Variants in NRAP observed in about 807,000 individuals in gnomAD.
NRAP encodes the protein nebulin-related-anchoring protein.
NRAP carries 189 observed loss-of-function variants against 225.9 expected under a neutral mutation model. That is an observed-to-expected ratio of 0.84 (90% CI 0.74 to 0.94). The LOEUF (loss-of-function observed/expected upper bound fraction) is 0.94, where lower values mean the gene tolerates loss of function less well. NRAP is among the 40% of genes least tolerant of loss of function. The probability of loss-of-function intolerance (pLI) is 0.00; values close to 1 mark genes in which losing one functional copy is unlikely to be tolerated. For missense variants in NRAP, 2,176 were observed against 2,168.7 expected, an observed-to-expected ratio of 1.00 and a Z score of -0.07; for synonymous variants, 769 against 790.7, an observed-to-expected ratio of 0.97 and a Z score of 0.46.
At chr10:113,658,412 T>C (rs1408562041) in intron 3 of NRAP, among the ~76,000 whole-genome samples, 1 of 152,214 alleles carries the variant, frequency 6.6e-6, no homozygotes, top group East Asian at 1.9e-4. Flanking sequence ...GGCACTGCCT[T>C]GAATGTATAG....
At chr10:113,637,870 C>T (rs543012119) in intron 14 of NRAP, among the ~76,000 whole-genome samples, 15 of 151,582 alleles carry the variant, frequency 9.9e-5, no homozygotes, top group East Asian at 3.9e-4. Context: ...TGCTATGAGC[C>T]GAGATCGCAC....
Position 113,590,722 on chromosome 10 carries a change from T to A in NRAP, c.4812A>T (p.Thr1604=), listed in dbSNP as rs369144457. The change falls in exon 40 of 42, where the codon ACA becomes ACT. Residue 1604 remains threonine (T), a synonymous_variant. Coordinates refer to ENST00000359988, the MANE Select transcript of NRAP (RefSeq NM_198060.4). ...TGGCCTGAAGGAGGCCGGGCTGGTC[T>A]GTGCTGCTGTGAAACTGGGACCGAC... ...AKSRSQFHSS[T]DQPGLLQAKR... is the part of the protein sequence containing the mutation. 22 of 1,614,096 alleles carry A rather than the reference T, an allele frequency of 1.4e-5. No individual in the cohort carries two copies. The highest frequency in any genetic ancestry group is 1.9e-5 in the Non-Finnish European group (22 of 1,180,044).
At chr10:113,622,216 C>T in intron 23 of NRAP, 36 bp from the exon 24 acceptor site, 3 of 1,448,242 alleles carry the variant, frequency 2.1e-6, no homozygotes, top group Non-Finnish European at 2.9e-6. Flanking sequence ...TACATTAGAA[C>T]CTCCTAAAGG....
chr10:113,592,140 G>T, intron 39 of NRAP, 54 bp downstream of exon 39: 1 of 1,177,134 alleles, frequency 8.5e-7, no homozygotes, highest in Non-Finnish European at 1.2e-6. Context: ...ACAGAACTGG[G>T]AAAACCAGAG....
intron 34 of NRAP, 143 bp from the exon 35 acceptor site, chr10:113,605,063 G>A: frequency 1.3e-6 from 1 of 783,674 alleles, no homozygotes; most frequent in South Asian, 1.9e-5. Flanking sequence ...CTTCCTCCCT[G>A]GGGGATGAAC....
At chr10:113,647,254 T>C (rs1009909877) in intron 9 of NRAP, among the ~76,000 whole-genome samples, 14 of 152,152 alleles carry the variant, frequency 9.2e-5, no homozygotes, top group African/African-American at 3.1e-4. Context: ...TGGCAACTGA[T>C]ATCATGATCA....
At chr10:113,653,922 A>C in intron 5 of NRAP, 99 bp downstream of exon 5, 3 of 783,826 alleles carry the variant, frequency 3.8e-6, no homozygotes, top group Non-Finnish European at 6.9e-6. Context: ...GGATGATAGC[A>C]TCATTCTGTC....
intron 12 of NRAP, among the ~76,000 whole-genome samples, chr10:113,642,198 G>A (rs958704819): frequency 6.6e-6 from 1 of 152,008 alleles, no homozygotes; most frequent in African/African-American, 2.4e-5. Flanking sequence ...TGAGGGGGAA[G>A]GAACTATTAT....
chr10:113,640,292 A>G lies in NRAP; in HGVS notation c.1363T>C (p.Tyr455His), dbSNP rs200443957. ...KADYKHDIVD[Y>H]NYPATLTPSY... ...GGCGTGAGAGTGGCTGGGTAGTTGT[A>G]GTCGACAATATCATGTTTATAATCA... The change falls in exon 14 of 42, where the codon TAC becomes CAC. Residue 455 changes from tyrosine (Y) to histidine (H), a missense_variant. Around this residue, in one of 3 missense-constraint regions of NRAP, gnomAD observed 1,708 missense variants for 1,695.5 expected, o/e 1.01. Coordinates refer to ENST00000359988, the MANE Select transcript of NRAP (RefSeq NM_198060.4). 8 of 1,598,332 alleles carry G rather than the reference A, an allele frequency of 5.0e-6. No individual in the cohort carries two copies. The highest frequency in any genetic ancestry group is 5.1e-6 in the Non-Finnish European group (6 of 1,170,888).
In NRAP at chr10:113,657,542, T is replaced by G; in HGVS notation, c.288A>C (p.Lys96Asn). 1 of 1,601,182 alleles carries G rather than the reference T, an allele frequency of 6.2e-7. No homozygotes were observed. Among genetic ancestry groups the G allele is most frequent in the Non-Finnish European group, 8.6e-7 (1 of 1,168,208 alleles). The change falls in exon 4 of 42, where the codon AAA (lysine) becomes AAC (asparagine). Residue 96 changes from lysine (K) to asparagine (N), a missense_variant. Coordinates refer to ENST00000359988, the MANE Select transcript of NRAP (RefSeq NM_198060.4). ...ATTTCATGTCCCAGTGAAAAACTGA[T>G]TTACACTGTTCACCATCTTCTTGGT... ...IHDQEDGEQC[K>N]SVFHWDMKSK...
At chr10:113,630,149 C>T (rs1194188766) in intron 18 of NRAP, among the ~76,000 whole-genome samples, 2 of 152,232 alleles carry the variant, frequency 1.3e-5, no homozygotes, top group Non-Finnish European at 2.9e-5. Context: ...TGCCCTCTAA[C>T]AGCAGGGTGA....
In NRAP at chr10:113,653,895, GACAT is replaced by G. The variant is rs568971382; in HGVS notation, c.465+122_465+125del. The G allele has an allele frequency of 4.9e-4, 355 of 730,264 alleles. 1 individual carries two copies. Among genetic ancestry groups the G allele is most frequent in the Middle Eastern group, 2.7e-3 (7 of 2,626 alleles). 45.2% of individuals were successfully genotyped at this position (730,264 alleles called of 1,614,324 possible). ...TGACCCTCCTGGTTTCAGGGATTAG[GACAT>G]GGGTATCTTTGGGGATGATAGCATC... On this transcript the variant is annotated intron_variant, in intron 5 of 41. Coordinates refer to ENST00000359988, the MANE Select transcript of NRAP (RefSeq NM_198060.4).
At chr10:113,616,515 T>C (rs1847673978) in intron 26 of NRAP, among the ~76,000 whole-genome samples, 1 of 152,232 alleles carries the variant, frequency 6.6e-6, no homozygotes, top group African/African-American at 2.4e-5. Context: ...TGTTTGACCA[T>C]CTGTGTTTCT....
rs879101604 is a variant in NRAP at position 113,592,209 on chromosome 10, C to G, written c.4629G>C (p.Arg1543Ser). ...GGGGTCTTACATCACTGGCGATCTCCCTAGATGCCCGGGCAGTCTGGAAGG... is the reference window on the plus strand; with the variant it reads ...GGGGTCTTACATCACTGGCGATCTCGCTAGATGCCCGGGCAGTCTGGAAGG... ...AIPFQTARAS[R>S]EIASDFRYKE... The change falls in exon 39 of 42, where the codon AGG becomes AGC. Residue 1543 changes from arginine to serine, a missense_variant. Physicochemically the swap from Arg to Ser is moderately radical, Grantham distance 110. Coordinates refer to ENST00000359988, the MANE Select transcript of NRAP (RefSeq NM_198060.4). The G allele has an allele frequency of 4.4e-6, 7 of 1,609,032 alleles. No individual in the cohort carries two copies. In the African/African-American group the frequency reaches 9.4e-5, roughly 22 times the overall value.
chr10:113,622,473 C>G (rs1388398344), intron 23 of NRAP, among the ~76,000 whole-genome samples: 1 of 152,130 alleles, frequency 6.6e-6, no homozygotes, highest in Non-Finnish European at 1.5e-5. Context: ...AATTGCTGCT[C>G]ATGAAAGGAA....
chr10:113,595,977 T>C (rs1340916499), intron 37 of NRAP, among the ~76,000 whole-genome samples: 1 of 152,216 alleles, frequency 6.6e-6, no homozygotes, highest in Admixed American at 6.5e-5. Context: ...CTGCTCCAAA[T>C]AAGCCACAAA....
At chr10:113,640,963 A>G (rs1261263376) in intron 13 of NRAP, among the ~76,000 whole-genome samples, 1 of 152,230 alleles carries the variant, frequency 6.6e-6, no homozygotes, top group Non-Finnish European at 1.5e-5. Context: ...GATCAAAAAA[A>G]TGAATGAAGG....
chr10:113,617,926 A>G (rs868615875), intron 25 of NRAP, among the ~76,000 whole-genome samples: 1 of 152,276 alleles, frequency 6.6e-6, no homozygotes, highest in Non-Finnish European at 1.5e-5. Context: ...TCAGAGTTAC[A>G]TTTATCCATT....
In NRAP at chr10:113,650,115, T is replaced by G. The variant is rs2134156340; in HGVS notation, c.810A>C (p.Lys270Asn). ...SDVRYHQQYQ[K>N]EMRGMAGPAI... ...CTGGACCAGCCATTCCCCTCATTTC[T>G]TTTTGATATTGTTGATGGTACCTCA... Residue 270 changes from lysine to asparagine, a missense_variant, in exon 9 of 42, where the codon AAA (lysine) becomes AAC (asparagine). Lys to Asn is a moderately conservative substitution (Grantham distance 94). This residue lies in a region of NRAP where 1,708 missense variants were observed against 1,695.5 expected (regional missense o/e 1.01). Transcript: ENST00000359988. 6.2e-7 allele frequency: 1 copy of G among 1,612,114 alleles called. No individual in the cohort carries two copies. The highest frequency in any genetic ancestry group is 2.2e-5 in the East Asian group (1 of 44,874).
Sources: allele counts gnomAD v4.1 joint callset (sites outside exome capture counted in the v4.1 genomes callset), GRCh38; gene constraint gnomAD v4.1.1; regional missense constraint gnomAD v4.1.1; transcripts MANE v1.5; gene names NCBI Gene and HGNC (gene_info 2026-07-23, HGNC 2026-07-21).